The following GRAP2 variants were observed in gnomAD, a reference collection of about 807,000 sequenced individuals.
GRAP2 encodes GRB2-related adapter protein 2.
GRAP2 carries 31 observed loss-of-function variants against 43.5 expected under a neutral mutation model. The observed-to-expected ratio is 0.71, with a 90% CI of 0.54 to 0.96. The LOEUF (loss-of-function observed/expected upper bound fraction) is 0.96. Ranked by LOEUF, GRAP2 falls within the 40% of genes least tolerant of loss-of-function variation. GRAP2 has a pLI of 0.00. For missense variants in GRAP2, 371 were observed against 424.4 expected (o/e 0.87, Z 1.11); for synonymous variants, 156 against 164.8 (o/e 0.95, Z 0.41).
chr22:39,952,279 A>C (rs2066993136), intron 2 of GRAP2, among the ~76,000 whole-genome samples: 1 of 152,112 alleles, frequency 6.6e-6, no homozygotes, highest in Admixed American at 6.6e-5. Context: ...CACCCGCCTC[A>C]GCCTCCCAAA....
At chr22:39,928,131 C>A (rs1205686702) in intron 1 of GRAP2, among the ~76,000 whole-genome samples, 2 of 152,198 alleles carry the variant, frequency 1.3e-5, no homozygotes, top group African/African-American at 4.8e-5. Context: ...TCCAGAAATA[C>A]ACTTATTTCC....
intron 6 of GRAP2, chr22:39,968,620 C>T (rs2067203838): frequency 2.9e-6 from 1 of 339,524 alleles, no homozygotes; most frequent in African/African-American, 2.1e-5. Flanking sequence ...GTCAGATCCA[C>T]AAGAGAAAAA....
At chr22:39,902,852 A>C (rs1319852111) in intron 1 of GRAP2, among the ~76,000 whole-genome samples, 1 of 152,216 alleles carries the variant, frequency 6.6e-6, no homozygotes, top group Non-Finnish European at 1.5e-5. Flanking sequence ...CTTAGGAAAA[A>C]GGCTCTATAA....
At chr22:39,939,561 C>CA (rs386395434) in intron 1 of GRAP2, among the ~76,000 whole-genome samples, 4,241 of 64,028 alleles carry the variant, frequency 0.066, 365 homozygotes, top group African/African-American at 0.11. Flanking sequence ...GACTCCGTCT[C>CA]AAAAAAAAAA....
chr22:39,928,474 T>C (rs544958604), intron 1 of GRAP2, among the ~76,000 whole-genome samples: 143 of 152,344 alleles, frequency 9.4e-4, no homozygotes, highest in South Asian at 2.7e-3. Flanking sequence ...TGATTCTGCT[T>C]TTAAGGAACG....
In GRAP2 at chr22:39,968,279, G is replaced by A. The variant is rs570662200; in HGVS notation, c.690+7G>A. 20 of 1,613,224 alleles carry A rather than the reference G, an allele frequency of 1.2e-5. No individual in the cohort carries two copies. In the East Asian group the frequency reaches 4.0e-4, roughly 32 times the overall value. On this transcript the variant is annotated splice_region_variant and intron_variant, in intron 6 of 7. Transcript: ENST00000344138. ...GCACCACCATTTCCACCAGGTATCT[G>A]GAAAGAAGGCAGTGGGCACAGTACG...
chr22:39,957,648 C>T (rs1164884919), intron 3 of GRAP2, among the ~76,000 whole-genome samples: 6 of 152,148 alleles, frequency 3.9e-5, no homozygotes, highest in Admixed American at 3.9e-4. Context: ...AACCCAGAGG[C>T]CAGGTGGGTT....
At chr22:39,897,584 A>G (rs1391177897), upstream of GRAP2, among the ~76,000 whole-genome samples, 2 of 148,818 alleles carry the variant, frequency 1.3e-5, no homozygotes, top group Non-Finnish European at 3.0e-5. Flanking sequence ...CAATGGCGCA[A>G]TCTCGGCTCA....
chr22:39,957,808 C>A (rs997228793), intron 3 of GRAP2, among the ~76,000 whole-genome samples: 3 of 151,920 alleles, frequency 2.0e-5, no homozygotes, highest in African/African-American at 4.8e-5. Context: ...TGGTGGCATG[C>A]GCCTATAGTC....
chr22:39,899,407 C>T (rs920375426), upstream of GRAP2, among the ~76,000 whole-genome samples: 1 of 152,226 alleles, frequency 6.6e-6, no homozygotes, highest in East Asian at 1.9e-4. Context: ...ATTTCAAAAC[C>T]ATCGACTTGG....
At chr22:39,944,430 C>A (rs983262142) in intron 1 of GRAP2, among the ~76,000 whole-genome samples, 1 of 152,080 alleles carries the variant, frequency 6.6e-6, no homozygotes, top group Non-Finnish European at 1.5e-5. Context: ...AGAGAACATA[C>A]CCCACCCCAC....
chr22:39,934,040 C>T (rs2066782830), intron 1 of GRAP2, among the ~76,000 whole-genome samples: 3 of 152,082 alleles, frequency 2.0e-5, no homozygotes, highest in Admixed American at 2.0e-4. Context: ...CGAAGAGGGA[C>T]AGTAAGTGAA....
At chr22:39,927,010 A>G (rs1190443348) in intron 1 of GRAP2, among the ~76,000 whole-genome samples, 4 of 152,198 alleles carry the variant, frequency 2.6e-5, no homozygotes, top group Non-Finnish European at 5.9e-5. Context: ...CTGAGGTGGA[A>G]TGCACAGTTG....
chr22:39,917,295 G>GC (rs1178737805), intron 1 of GRAP2, among the ~76,000 whole-genome samples: 1 of 152,096 alleles, frequency 6.6e-6, no homozygotes, highest in Admixed American at 6.5e-5. Flanking sequence ...GCAGCCCAAA[G>GC]CCCCCCTCTC....
intron 5 of GRAP2, among the ~76,000 whole-genome samples, chr22:39,967,332 A>G (rs1480003809): frequency 1.3e-5 from 2 of 152,230 alleles, no homozygotes; most frequent in Non-Finnish European, 1.5e-5. Flanking sequence ...CAGAGGTATT[A>G]ACTCACTAGG....
chr22:39,902,688 A>G (rs1243923374), intron 1 of GRAP2, among the ~76,000 whole-genome samples: 6 of 152,222 alleles, frequency 3.9e-5, no homozygotes, highest in Non-Finnish European at 5.9e-5. Context: ...GAGATGATCA[A>G]TCTATTCAAT....
At chr22:39,901,777 G>C (rs934380538) in intron 1 of GRAP2, among the ~76,000 whole-genome samples, 3 of 152,098 alleles carry the variant, frequency 2.0e-5, no homozygotes, top group Non-Finnish European at 4.4e-5. Flanking sequence ...AGTTCTGTTC[G>C]CATTTTTGTT....
rs1368862212 is a variant in GRAP2 at position 39,971,273 on chromosome 22, G to A, written c.*189G>A. On this transcript the variant is annotated 3_prime_UTR_variant, in exon 8 of 8. Transcript: ENST00000344138. ...TTAGTTGATGCAAAAGGGAACTCAG[G>A]TGGAGAATAATATTGACACTTGCTT... 7.3e-6 allele frequency: 4 copies of A among 544,384 alleles called. No individual in the cohort carries two copies. Among genetic ancestry groups the A allele is most frequent in the African/African-American group, 4.0e-5 (2 of 50,430 alleles). 33.7% of individuals were successfully genotyped at this position (544,384 alleles called of 1,614,324 possible). A position where few individuals can be genotyped will look rare whatever the true frequency, so the allele number is the denominator to read the frequency against.
At chr22:39,947,244 A>G in intron 2 of GRAP2, 60 bp downstream of exon 2, 2 of 822,934 alleles carry the variant, frequency 2.4e-6, no homozygotes, top group Non-Finnish European at 4.4e-6. Context: ...GTAATCTGAC[A>G]GTCCCTGCCT....
Sources: allele counts gnomAD v4.1 joint callset (sites outside exome capture counted in the v4.1 genomes callset), GRCh38; gene constraint gnomAD v4.1.1; transcripts MANE v1.5; gene names NCBI Gene and HGNC (gene_info 2026-07-23, HGNC 2026-07-21).